Variants in SH3PXD2A observed in about 807,000 individuals in gnomAD.
The protein encoded by SH3PXD2A is SH3 and PX domains 2A, also known as SH3 and PX domain-containing protein 2A.
In SH3PXD2A, 32 loss-of-function variants were observed where a neutral mutation model predicts 115.2. That is an observed-to-expected ratio of 0.28 (90% CI 0.21 to 0.37). SH3PXD2A has a LOEUF of 0.37. Ranked by LOEUF, SH3PXD2A falls within the 10% of genes least tolerant of loss-of-function variation. The probability of loss-of-function intolerance (pLI) is 1.00; values close to 1 mark genes in which losing one functional copy is unlikely to be tolerated. For synonymous variants in SH3PXD2A, 610 were observed against 629.1 expected (o/e 0.97, Z 0.45); for missense variants, 1,328 against 1,498.7 (o/e 0.89, Z 1.88).
chr10:103,826,961 G>A (rs1170946738), intron 1 of SH3PXD2A, among the ~76,000 whole-genome samples: 2 of 152,176 alleles, frequency 1.3e-5, no homozygotes, highest in African/African-American at 2.4e-5. Context: ...GGGATAACTC[G>A]TAGAATGAGC....
chr10:103,782,516 C>T (rs1041040521), intron 2 of SH3PXD2A, among the ~76,000 whole-genome samples: 1 of 152,180 alleles, frequency 6.6e-6, no homozygotes, highest in African/African-American at 2.4e-5. Flanking sequence ...CCTTCATAAC[C>T]AGCGGCAGCT....
Position 103,624,195 on chromosome 10 carries a change from A to G in SH3PXD2A, c.719-1642T>C, listed in dbSNP as rs2036655052. 1.3e-5 allele frequency among the ~76,000 whole-genome samples: 2 copies of G among 152,248 alleles called. 1 individual carries two copies. Among genetic ancestry groups the G allele is most frequent in the Admixed American group, 1.3e-4 (2 of 15,288 alleles). On this transcript the variant is annotated intron_variant, in intron 9 of 14. Coordinates refer to ENST00000369774, the MANE Select transcript of SH3PXD2A (RefSeq NM_001394015.1). ...CCCCTTGGGCTGCCAAGCCCTGGGA[A>G]GAAGGGGATGTGGGGAGGGAACAGG...
At chr10:103,643,673 A>T (rs1463978986) in intron 8 of SH3PXD2A, among the ~76,000 whole-genome samples, 5 of 152,178 alleles carry the variant, frequency 3.3e-5, no homozygotes, top group African/African-American at 4.8e-5. Context: ...CCTTGACCCA[A>T]TGTGGAGTGA....
intron 1 of SH3PXD2A, among the ~76,000 whole-genome samples, chr10:103,820,717 G>A (rs935568600): frequency 1.3e-5 from 2 of 150,710 alleles, no homozygotes; most frequent in Admixed American, 1.3e-4. Context: ...GCACACCAAA[G>A]CCCCCAGATA....
chr10:103,739,406 A>T (rs1440094592), intron 3 of SH3PXD2A, among the ~76,000 whole-genome samples: 1 of 152,150 alleles, frequency 6.6e-6, no homozygotes, highest in Non-Finnish European at 1.5e-5. Context: ...TCCTGACAGG[A>T]GCAACGTTTT....
At position 103,688,082 on chromosome 10, in the gene SH3PXD2A, C is replaced by T. The variant is rs555032893; in HGVS notation, c.427+4946G>A. On this transcript the variant is annotated intron_variant, in intron 6 of 14. Coordinates refer to ENST00000369774, the MANE Select transcript of SH3PXD2A (RefSeq NM_001394015.1). The stretch of plus-strand genomic sequence containing the variant: ...ACGTTCCTATAGCCTCGACACCTTG[C>T]GCAGTGCTTGGCATAGTTGATGCTC... Among the ~76,000 whole-genome samples the T allele has an allele frequency of 9.2e-5, 14 of 152,342 alleles. No individual in the cohort carries two copies. In the South Asian group the frequency reaches 1.5e-3, roughly 16 times the overall value.
At chr10:103,711,028 C>T (rs149071878) in intron 5 of SH3PXD2A, among the ~76,000 whole-genome samples, 1 of 152,104 alleles carries the variant, frequency 6.6e-6, no homozygotes, top group African/African-American at 2.4e-5. Flanking sequence ...GAGACAGAGA[C>T]CTTGTCTCTA....
chr10:103,712,382 G>A (rs2038057125), intron 5 of SH3PXD2A, among the ~76,000 whole-genome samples: 2 of 152,222 alleles, frequency 1.3e-5, no homozygotes, highest in Admixed American at 6.5e-5. Flanking sequence ...GGTGTGGGAA[G>A]CCAAGGGCTC....
chr10:103,622,398 G>T, intron 10 of SH3PXD2A, 72 bp downstream of exon 10: 1 of 1,018,254 alleles, frequency 9.8e-7, no homozygotes, highest in Non-Finnish European at 1.5e-6. Context: ...AGCAGAGCCC[G>T]GAAAGAAAGA....
intron 1 of SH3PXD2A, among the ~76,000 whole-genome samples, chr10:103,805,097 G>T (rs911838350): frequency 1.3e-5 from 2 of 152,180 alleles, no homozygotes; most frequent in Admixed American, 6.5e-5. Context: ...CCAACCAAGC[G>T]GAGCCCAGGG....
intron 3 of SH3PXD2A, among the ~76,000 whole-genome samples, chr10:103,741,351 C>G (rs2038441808): frequency 6.6e-6 from 1 of 152,236 alleles, no homozygotes; most frequent in South Asian, 2.1e-4. Flanking sequence ...AGGCACAGTT[C>G]CATGCTGCCT....
intron 6 of SH3PXD2A, among the ~76,000 whole-genome samples, chr10:103,671,270 T>C (rs1423764547): frequency 1.3e-5 from 2 of 152,122 alleles, no homozygotes; most frequent in Non-Finnish European, 2.9e-5. Flanking sequence ...ACTCTATTCT[T>C]ATAGTACAAA....
In SH3PXD2A at chr10:103,594,157, CAA is replaced by C. The variant is rs1477001698; in HGVS notation, c.*7657_*7658del. The C allele has an allele frequency of 6.6e-6, 1 of 152,564 alleles. No homozygotes were observed. Among genetic ancestry groups the C allele is most frequent in the Non-Finnish European group, 1.5e-5 (1 of 68,044 alleles). 9.5% of individuals were successfully genotyped at this position (152,564 alleles called of 1,614,324 possible). The stretch of plus-strand genomic sequence containing the variant: ...CCAAGACAGAGCATTTTCTGCAGAC[CAA>C]AGAGTCCCGTCAAAGTGATAAAGGA... On this transcript the variant is annotated 3_prime_UTR_variant, in exon 15 of 15. Transcript: ENST00000369774.
chr10:103,807,803 T>A (rs187299898), intron 1 of SH3PXD2A, among the ~76,000 whole-genome samples: 1 of 152,128 alleles, frequency 6.6e-6, no homozygotes, highest in East Asian at 1.9e-4. Context: ...GATGCAGGGA[T>A]AGCTAACATT....
At chr10:103,819,037 G>A (rs1005046132) in intron 1 of SH3PXD2A, among the ~76,000 whole-genome samples, 15 of 152,284 alleles carry the variant, frequency 9.9e-5, no homozygotes, top group Admixed American at 5.9e-4. Context: ...TCTCTACAAC[G>A]TCTAATGACT....
Position 103,727,369 on chromosome 10 carries a change from G to T in SH3PXD2A, c.307-3008C>A, listed in dbSNP as rs553877034. Among the ~76,000 whole-genome samples the T allele has an allele frequency of 2.8e-4, 42 of 152,292 alleles. No individual in the cohort carries two copies. The South Asian group carries it at 8.3e-3, about 30-fold the overall frequency. The stretch of plus-strand genomic sequence containing the variant: ...AAATGAAAAACTGAGGAAAGAGAGA[G>T]ACAGACAGGGAGCAAGAGGGAGGGA... On this transcript the variant is annotated intron_variant, in intron 4 of 14. Coordinates refer to ENST00000369774, the MANE Select transcript of SH3PXD2A (RefSeq NM_001394015.1).
chr10:103,754,562 A>G (rs1461454250), intron 3 of SH3PXD2A: 1 of 151,838 alleles, frequency 6.6e-6, no homozygotes, highest in Non-Finnish European at 1.5e-5. Flanking sequence ...AAATCTTAGC[A>G]ATCTCCTTGG....
intron 3 of SH3PXD2A, among the ~76,000 whole-genome samples, chr10:103,752,352 T>C (rs2038588453): frequency 6.6e-6 from 1 of 152,234 alleles, no homozygotes; most frequent in African/African-American, 2.4e-5. Context: ...TTGGTCTTAA[T>C]AGCTATTAGA....
chr10:103,721,623 C>T (rs539206906), intron 5 of SH3PXD2A, among the ~76,000 whole-genome samples: 68 of 152,302 alleles, frequency 4.5e-4, no homozygotes, highest in Non-Finnish European at 8.4e-4. Flanking sequence ...GCCAGGCACA[C>T]GATCACGGGG....
Sources: gnomAD v4.1 joint callset for allele counts (sites outside exome capture counted in the v4.1 genomes callset) on GRCh38, gnomAD v4.1.1 for gene constraint, MANE v1.5 for transcripts, NCBI Gene and HGNC (gene_info 2026-07-23, HGNC 2026-07-21) for gene names.